PGD: variants seen among roughly 807,000 people sequenced by gnomAD.
PGD encodes the protein phosphogluconate dehydrogenase, also known as 6-phosphogluconate dehydrogenase, decarboxylating.
Under a neutral mutation model 60.4 loss-of-function variants are expected in PGD, and 21 were observed. The observed-to-expected ratio is 0.35, with a 90% CI of 0.25 to 0.50. The LOEUF is 0.50. Among genes scored for constraint, PGD ranks in the 20% least tolerant of loss-of-function variants. The pLI, the probability that PGD is intolerant of heterozygous loss-of-function variation, is 0.98. For missense variants in PGD, 477 were observed against 613.1 expected, an observed-to-expected ratio of 0.78 and a Z score of 2.34; for synonymous variants, 230 against 235.9, an observed-to-expected ratio of 0.97 and a Z score of 0.23.
Position 10,413,262 on chromosome 1 carries a change from GC to G in PGD, c.844+12del. ...CCGTCACCCTCATTGGTAATGTTATGCTTTTCACATGGGCCCTTTCGTCCAC... is the reference window on the plus strand; with the variant it reads ...CCGTCACCCTCATTGGTAATGTTATGTTTTCACATGGGCCCTTTCGTCCAC... On this transcript the variant is annotated intron_variant, in intron 8 of 12. Coordinates refer to ENST00000270776, the MANE Select transcript of PGD (RefSeq NM_002631.4). The G allele has an allele frequency of 6.2e-7, 1 of 1,610,320 alleles. No individual in the cohort carries two copies. Among genetic ancestry groups the G allele is most frequent in the Non-Finnish European group, 8.5e-7 (1 of 1,176,850 alleles).
intron 8 of PGD, among the ~76,000 whole-genome samples, chr1:10,414,376 G>A (rs897614232): frequency 2.0e-5 from 3 of 151,904 alleles, no homozygotes; most frequent in Non-Finnish European, 2.9e-5. Flanking sequence ...GGTTTTCAGT[G>A]TGTTTGTTTG....
chr1:10,413,519 A>G (rs1393221347), intron 8 of PGD, among the ~76,000 whole-genome samples: 1 of 152,172 alleles, frequency 6.6e-6, no homozygotes, highest in Non-Finnish European at 1.5e-5. Flanking sequence ...TTATCTTTGG[A>G]ATATTTTAGC....
chr1:10,412,571 G>A (rs753635825), intron 7 of PGD, among the ~76,000 whole-genome samples: 55 of 152,132 alleles, frequency 3.6e-4, no homozygotes, highest in Non-Finnish European at 6.8e-4. Context: ...AATACTTAAC[G>A]TGTTCACTCA....
chr1:10,400,552 G>A lies in PGD; in HGVS notation c.244G>A (p.Asp82Asn), dbSNP rs147995269. Reference protein sequence around the residue: ...ILLVKAGQAVDDFIEKLVPLL... With the variant: ...ILLVKAGQAVNDFIEKLVPLL... Reference sequence around the variant, plus strand: ...CCTGGTGAAGGCTGGGCAAGCTGTGGATGATTTCATCGAGAAATTGGTGAG... The same window carrying A: ...CCTGGTGAAGGCTGGGCAAGCTGTGAATGATTTCATCGAGAAATTGGTGAG... Residue 82 changes from aspartate to asparagine, a missense_variant, in exon 3 of 13, where the codon GAT (aspartate) becomes AAT (asparagine). Physicochemically the swap from Asp to Asn is conservative, Grantham distance 23. This residue lies in a region of PGD where 431 missense variants were observed against 556.6 expected (regional missense o/e 0.77). Coordinates refer to ENST00000270776, the MANE Select transcript of PGD (RefSeq NM_002631.4). The A allele has an allele frequency of 1.1e-5, 18 of 1,613,666 alleles. No individual in the cohort carries two copies. Among genetic ancestry groups the A allele is most frequent in the Non-Finnish European group, 1.4e-5 (17 of 1,179,840 alleles).
intron 6 of PGD, among the ~76,000 whole-genome samples, chr1:10,410,846 A>G (rs983349025): frequency 6.7e-6 from 1 of 149,272 alleles, no homozygotes; most frequent in African/African-American, 2.5e-5. Flanking sequence ...GTCTTTATTT[A>G]TAAATATAAA....
intron 3 of PGD, among the ~76,000 whole-genome samples, chr1:10,402,418 T>C (rs1639330169): frequency 6.6e-6 from 1 of 151,714 alleles, no homozygotes; most frequent in Non-Finnish European, 1.5e-5. Context: ...GAGAGGATTA[T>C]TGAAGATTAA....
rs376948316 is a variant in PGD at position 10,399,097 on chromosome 1, G to C, written c.-21G>C. ...CGTCCTCCGCGCGTCGCCGCTCTTCGGTTCTGCTCTGTCCGCCGCCATGGC... is the reference window on the plus strand; with the variant it reads ...CGTCCTCCGCGCGTCGCCGCTCTTCCGTTCTGCTCTGTCCGCCGCCATGGC... On this transcript the variant is annotated 5_prime_UTR_variant, in exon 1 of 13. Transcript: ENST00000270776. The C allele has an allele frequency of 1.1e-5, 17 of 1,609,538 alleles. No individual in the cohort carries two copies. The Middle Eastern group carries it at 8.5e-4, about 80-fold the overall frequency.
chr1:10,416,968 T>C lies in PGD; in HGVS notation c.845-19T>C. 6.2e-7 allele frequency: 1 copy of C among 1,611,624 alleles called. No individual in the cohort carries two copies. Among genetic ancestry groups the C allele is most frequent in the Non-Finnish European group, 8.5e-7 (1 of 1,178,480 alleles). ...GGCCTGACAGTAATCTGTTTCCTCT[T>C]CCCGATCTCCCCATGTAGGAGAAGC... On this transcript the variant is annotated intron_variant, in intron 8 of 12. Transcript: ENST00000270776.
chr1:10,416,861 T>A, intron 8 of PGD, 126 bp from the exon 9 acceptor site: 1 of 772,884 alleles, frequency 1.3e-6, no homozygotes, highest in Non-Finnish European at 2.1e-6. Flanking sequence ...TTCACTTCTT[T>A]TGTGATTCTT....
At chr1:10,407,957 AAAAAAAG>A in intron 5 of PGD, 107 bp from the exon 6 acceptor site, 1 of 725,386 alleles carries the variant, frequency 1.4e-6, no homozygotes, top group Non-Finnish European at 2.5e-6. Flanking sequence ...TCAAAAAAAA[AAAAAAAG>A]AAAGGAAAAG....
Position 10,399,105 on chromosome 1 carries a change from T to C in PGD, c.-13T>C, listed in dbSNP as rs754394682. ...GCGCGTCGCCGCTCTTCGGTTCTGC[T>C]CTGTCCGCCGCCATGGCCCAGTGAG... is the stretch of plus-strand genomic sequence containing the variant. On this transcript the variant is annotated 5_prime_UTR_variant, in exon 1 of 13. Coordinates refer to ENST00000270776, the MANE Select transcript of PGD (RefSeq NM_002631.4). 1 of 1,609,746 alleles carries C rather than the reference T, an allele frequency of 6.2e-7. No homozygotes were observed. Among genetic ancestry groups the C allele is most frequent in the East Asian group, 2.2e-5 (1 of 44,850 alleles).
chr1:10,411,629 A>G (rs759566417), intron 7 of PGD, 77 bp downstream of exon 7: 47 of 1,565,146 alleles, frequency 3.0e-5, no homozygotes, highest in Non-Finnish European at 4.1e-5. Context: ...TCTTTTCTTC[A>G]TTCCTATCCC....
In PGD at chr1:10,408,148, C is replaced by T. The variant is rs1639439268; in HGVS notation, c.519+8C>T. ...GAACCCTGCTGTGACTGGGCAAGTT[C>T]TGGGCTACTCTTTAAAGCCAATTGG... is the stretch of plus-strand genomic sequence containing the variant. On this transcript the variant is annotated splice_region_variant and intron_variant, in intron 6 of 12. Transcript: ENST00000270776. The T allele has an allele frequency of 1.3e-6, 2 of 1,539,850 alleles. No homozygotes were observed. The highest frequency in any genetic ancestry group is 1.8e-6 in the Non-Finnish European group (2 of 1,112,016).
intron 5 of PGD, among the ~76,000 whole-genome samples, chr1:10,406,190 T>C (rs1639401179): frequency 6.6e-6 from 1 of 151,958 alleles, no homozygotes. Flanking sequence ...GGTGAATGAG[T>C]CTGGGGATTC....
At chr1:10,414,231 G>A (rs1412772975) in intron 8 of PGD, among the ~76,000 whole-genome samples, 3 of 152,212 alleles carry the variant, frequency 2.0e-5, no homozygotes, top group Non-Finnish European at 4.4e-5. Flanking sequence ...TGAAGTTGGT[G>A]TGTATCCTGC....
chr1:10,409,767 T>C (rs976796979), intron 6 of PGD, among the ~76,000 whole-genome samples: 5 of 150,108 alleles, frequency 3.3e-5, no homozygotes, highest in African/African-American at 1.2e-4. Flanking sequence ...GCGATTCTCA[T>C]GCCTCAGCCT....
At chr1:10,401,177 C>T (rs1436427378) in intron 3 of PGD, among the ~76,000 whole-genome samples, 2 of 151,914 alleles carry the variant, frequency 1.3e-5, no homozygotes, top group Admixed American at 6.6e-5. Flanking sequence ...TCCAGTTTGG[C>T]GACAGAGCGA....
intron 10 of PGD, 161 bp from the exon 11 acceptor site, chr1:10,418,665 C>T (rs1429326115): frequency 3.8e-6 from 2 of 530,070 alleles, no homozygotes; most frequent in East Asian, 3.5e-5. Flanking sequence ...ATCCCAGCTA[C>T]TGGCGAGGCT....
Position 10,403,590 on chromosome 1 carries a change from GA to G in PGD, c.330+474del, listed in dbSNP as rs71583866. Among the ~76,000 whole-genome samples the G allele has an allele frequency of 3.1e-3, 208 of 67,144 alleles. 1 individual carries two copies. The highest frequency in any genetic ancestry group is 9.3e-3 in the East Asian group (19 of 2,034). The allele number at this position is 67,144 out of a possible 152,430, so 44.0% of individuals were successfully genotyped here. A position where few individuals can be genotyped will look rare whatever the true frequency, so the allele number is the denominator to read the frequency against. ...TGGGCGACAGAGTGAAACTCCATCT[GA>G]AAAAAAAAAAAAAAAAAAAGACACT... On this transcript the variant is annotated intron_variant, in intron 4 of 12. Transcript: ENST00000270776.
Sources: gnomAD v4.1 joint callset for allele counts (sites outside exome capture counted in the v4.1 genomes callset) on GRCh38, gnomAD v4.1.1 for gene constraint, gnomAD v4.1.1 regional missense constraint, MANE v1.5 for transcripts, NCBI Gene and HGNC (gene_info 2026-07-23, HGNC 2026-07-21) for gene names.